Variants in PCDH15 observed in about 807,000 individuals in gnomAD.
PCDH15 encodes protocadherin-15.
A neutral mutation model predicts 178.5 loss-of-function variants in PCDH15; 129 were observed. That is an observed-to-expected ratio of 0.72 (90% CI 0.63 to 0.84). PCDH15 has a LOEUF of 0.84. Ranked by LOEUF, PCDH15 falls within the 40% of genes least tolerant of loss-of-function variation. The probability of loss-of-function intolerance (pLI) is 0.00; values close to 1 mark genes in which losing one functional copy is unlikely to be tolerated. For missense variants in PCDH15, 2,230 were observed against 2,099.9 expected (o/e 1.06, Z -1.21); for synonymous variants, 800 against 732.0 (o/e 1.09, Z -1.50).
At chr10:55,267,121 G>A (rs977537810) in intron 1 of PCDH15, among the ~76,000 whole-genome samples, 1 of 152,068 alleles carries the variant, frequency 6.6e-6, no homozygotes, top group Non-Finnish European at 1.5e-5. Context: ...AGGCAGGGAG[G>A]GGGAGGGTAG....
At chr10:54,071,329 T>G (rs2094238005) in intron 17 of PCDH15, among the ~76,000 whole-genome samples, 1 of 152,182 alleles carries the variant, frequency 6.6e-6, no homozygotes, top group African/African-American at 2.4e-5. Context: ...TAATGAATAA[T>G]TTTTAATACA....
At chr10:54,885,527 G>A (rs1954341952) in intron 3 of PCDH15, among the ~76,000 whole-genome samples, 1 of 151,876 alleles carries the variant, frequency 6.6e-6, no homozygotes, top group South Asian at 2.1e-4. Flanking sequence ...AAAAAGAAAG[G>A]AACAAAATAA....
intron 26 of PCDH15, among the ~76,000 whole-genome samples, chr10:53,874,109 T>C (rs557130333): frequency 3.8e-4 from 58 of 152,168 alleles, no homozygotes; most frequent in Non-Finnish European, 7.6e-4. Flanking sequence ...ATAGTACTGA[T>C]GGGAGCTTTC....
At chr10:54,862,010 T>A (rs181018917) in intron 3 of PCDH15, among the ~76,000 whole-genome samples, 2 of 152,306 alleles carry the variant, frequency 1.3e-5, no homozygotes, top group East Asian at 3.9e-4. Flanking sequence ...AAATTTCAAG[T>A]AGTTTTGGAC....
intron 20 of PCDH15, among the ~76,000 whole-genome samples, chr10:53,998,613 A>G (rs1450339726): frequency 1.3e-5 from 2 of 152,150 alleles, no homozygotes; most frequent in African/African-American, 4.8e-5. Flanking sequence ...TTGAAGTTCT[A>G]CACACACAAA....
At chr10:54,118,484 C>T (rs1160134599) in intron 15 of PCDH15, among the ~76,000 whole-genome samples, 1 of 152,022 alleles carries the variant, frequency 6.6e-6, no homozygotes, top group African/African-American at 2.4e-5. Context: ...CACAGTGAAA[C>T]CCCGTCTCTA....
chr10:54,242,130 TTATATATATATATATATATA>T (rs57729172), intron 8 of PCDH15, among the ~76,000 whole-genome samples: 489 of 31,710 alleles, frequency 0.015, 17 homozygotes, highest in Admixed American at 0.035. Flanking sequence ...AATTCTATTT[TTATATATATATATATATATA>T]TATATATATA....
At chr10:55,005,224 A>AT (rs1839898174) in intron 2 of PCDH15, among the ~76,000 whole-genome samples, 1 of 143,954 alleles carries the variant, frequency 6.9e-6, no homozygotes, top group African/African-American at 2.5e-5. Flanking sequence ...AATAATAATA[A>AT]TAATCAATGG....
At chr10:54,559,407 G>T (rs2087753175) in intron 2 of PCDH15, among the ~76,000 whole-genome samples, 1 of 152,002 alleles carries the variant, frequency 6.6e-6, no homozygotes, top group East Asian at 1.9e-4. Context: ...CTGTATAAAT[G>T]AAACCACCTA....
chr10:53,836,454 G>A (rs1287233812), intron 29 of PCDH15, among the ~76,000 whole-genome samples: 2 of 152,090 alleles, frequency 1.3e-5, no homozygotes, highest in Non-Finnish European at 2.9e-5. Flanking sequence ...TGTGGCACAA[G>A]CATATAGAGA....
intron 2 of PCDH15, among the ~76,000 whole-genome samples, chr10:55,432,796 T>C (rs1205472001): frequency 6.7e-6 from 1 of 150,310 alleles, no homozygotes; most frequent in Non-Finnish European, 1.5e-5. Flanking sequence ...TATATATATA[T>C]TTTATTTTTA....
At chr10:54,163,028 T>C (rs1327654648) in intron 13 of PCDH15, among the ~76,000 whole-genome samples, 3 of 152,048 alleles carry the variant, frequency 2.0e-5, no homozygotes, top group African/African-American at 4.8e-5. Flanking sequence ...AGTAAAGTTA[T>C]ATGGTGACCC....
intron 6 of PCDH15, among the ~76,000 whole-genome samples, chr10:54,330,985 A>G (rs1939411803): frequency 6.6e-6 from 1 of 151,596 alleles, no homozygotes; most frequent in Non-Finnish European, 1.5e-5. Context: ...AGAGGGAAAG[A>G]AAAATGAGAG....
At chr10:54,937,803 A>C (rs763920242) in intron 2 of PCDH15, among the ~76,000 whole-genome samples, 50 of 152,182 alleles carry the variant, frequency 3.3e-4, no homozygotes, top group Middle Eastern at 3.4e-3. Flanking sequence ...CTTCAAATAG[A>C]GATACTTAAA....
intron 1 of PCDH15, among the ~76,000 whole-genome samples, chr10:54,739,586 G>A (rs1944530603): frequency 6.7e-6 from 1 of 149,076 alleles, no homozygotes; most frequent in South Asian, 2.1e-4. Context: ...GCTAAAATTT[G>A]TATGGAGCCA....
chr10:54,402,410 A>G (rs1952044322), intron 3 of PCDH15, among the ~76,000 whole-genome samples: 1 of 152,130 alleles, frequency 6.6e-6, no homozygotes, highest in Admixed American at 6.6e-5. Context: ...CTATGCTCCT[A>G]TTTAGAAACA....
chr10:54,657,527 GA>G (rs1224572646), intron 2 of PCDH15, among the ~76,000 whole-genome samples: 1 of 152,108 alleles, frequency 6.6e-6, no homozygotes, highest in Non-Finnish European at 1.5e-5. Flanking sequence ...AGCCTCGCAG[GA>G]GATAGTGTCA....
chr10:54,306,142 A>T (rs1162543406), intron 8 of PCDH15, among the ~76,000 whole-genome samples: 1 of 151,962 alleles, frequency 6.6e-6, no homozygotes, highest in African/African-American at 2.4e-5. Flanking sequence ...AGGAAAAAAA[A>T]AATTTGATGG....
chr10:53,872,331 A>AT (rs2079928993), intron 26 of PCDH15, among the ~76,000 whole-genome samples: 1 of 152,200 alleles, frequency 6.6e-6, no homozygotes, highest in South Asian at 2.1e-4. Flanking sequence ...CCGCTTAAAG[A>AT]AACACTCCAT....
Sources: gnomAD v4.1 joint callset for allele counts (sites outside exome capture counted in the v4.1 genomes callset) on GRCh38, gnomAD v4.1.1 for gene constraint, MANE v1.5 for transcripts, NCBI Gene and HGNC (gene_info 2026-07-23, HGNC 2026-07-21) for gene names.